ARHGEF10: variants seen among roughly 807,000 people sequenced by gnomAD.
ARHGEF10 encodes Rho guanine nucleotide exchange factor (GEF) 10.
A neutral mutation model predicts 147.4 loss-of-function variants in ARHGEF10; 140 were observed. The ratio of observed to expected loss-of-function variants is 0.95; its 90% CI spans 0.83 to 1.09. The LOEUF (loss-of-function observed/expected upper bound fraction) is 1.09. ARHGEF10 is among the 50% of genes least tolerant of loss of function. ARHGEF10 has a pLI of 0.00. For synonymous variants in ARHGEF10, 902 were observed against 695.8 expected, an observed-to-expected ratio of 1.30 and a Z score of -4.67; for missense variants, 2,222 against 1,752.7, an observed-to-expected ratio of 1.27 and a Z score of -4.78.
intron 11 of ARHGEF10, among the ~76,000 whole-genome samples, chr8:1,890,141 AGGGTTTGT>A (rs1563240728): frequency 4.7e-5 from 1 of 21,238 alleles, no homozygotes; most frequent in African/African-American, 1.9e-4. Flanking sequence ...GAGTGGGGTG[AGGGTTTGT>A]GAGGAGACAC....
At chr8:1,915,437 G>A (rs1811687898) in intron 18 of ARHGEF10, among the ~76,000 whole-genome samples, 1 of 152,230 alleles carries the variant, frequency 6.6e-6, no homozygotes, top group Non-Finnish European at 1.5e-5. Context: ...GCCAGCCTGG[G>A]ACTTGGGTCC....
At chr8:1,868,015 T>C (rs546701109) in intron 6 of ARHGEF10, among the ~76,000 whole-genome samples, 1 of 152,300 alleles carries the variant, frequency 6.6e-6, no homozygotes, top group Non-Finnish European at 1.5e-5. Context: ...ATTTGTCTGA[T>C]TTTTTTCTCA....
chr8:1,939,006 A>C (rs1484016574), intron 26 of ARHGEF10, among the ~76,000 whole-genome samples: 1 of 147,276 alleles, frequency 6.8e-6, no homozygotes, highest in Non-Finnish European at 1.5e-5. Context: ...ACTGTTGAAT[A>C]CCAGTCCCCA....
chr8:1,938,095 A>G (rs1813769956), intron 26 of ARHGEF10, among the ~76,000 whole-genome samples: 1 of 152,196 alleles, frequency 6.6e-6, no homozygotes, highest in South Asian at 2.1e-4. Context: ...AAGACATGCC[A>G]TGGACGCTGA....
At position 1,875,311 on chromosome 8, in the gene ARHGEF10, G is replaced by A. The variant is rs189856822; in HGVS notation, c.680-1260G>A. Among the ~76,000 whole-genome samples, 62 of 152,148 alleles carry A rather than the reference G, an allele frequency of 4.1e-4. 1 individual carries two copies. The East Asian group carries it at 0.011, about 27-fold the overall frequency. ...AGGAACAGTGGAGACACACACTGGG[G>A]AGCGTAGGGGTGCTTTTCTCTGAGT... On this transcript the variant is annotated intron_variant, in intron 7 of 28. Coordinates refer to ENST00000349830, the MANE Select transcript of ARHGEF10 (RefSeq NM_014629.4).
At chr8:1,875,520 G>T (rs1434506799) in intron 7 of ARHGEF10, among the ~76,000 whole-genome samples, 1 of 152,168 alleles carries the variant, frequency 6.6e-6, no homozygotes, top group Non-Finnish European at 1.5e-5. Context: ...AGACTGCTGG[G>T]TGCCCGGGTG....
chr8:1,866,663 C>A, intron 6 of ARHGEF10, 61 bp downstream of exon 6: 1 of 1,491,458 alleles, frequency 6.7e-7, no homozygotes, highest in Non-Finnish European at 9.2e-7. Context: ...GTCACTGCGG[C>A]GGGGCCGGGT....
Position 1,945,532 on chromosome 8 carries a change from G to A in ARHGEF10, c.3274G>A (p.Val1092Met), listed in dbSNP as rs527488398. The A allele has an allele frequency of 7.0e-5, 113 of 1,613,938 alleles. No individual in the cohort carries two copies. Among genetic ancestry groups the A allele is most frequent in the South Asian group, 3.3e-4 (30 of 91,034 alleles). The change falls in exon 27 of 29, where the codon GTG (valine) becomes ATG (methionine). Residue 1092 changes from valine (V) to methionine (M), a missense_variant. Val to Met is a conservative substitution (Grantham distance 21, BLOSUM62 1). Coordinates refer to ENST00000349830, the MANE Select transcript of ARHGEF10 (RefSeq NM_014629.4). Reference protein sequence around the residue: ...EEGMVISHMAVSGVGIWIAFT... With the variant: ...EEGMVISHMAMSGVGIWIAFT... ...AGGCATGGTGATCTCCCACATGGCCGTGTCCGGCGTCGGGATCTGGATTGC... is the reference window on the plus strand; with the variant it reads ...AGGCATGGTGATCTCCCACATGGCCATGTCCGGCGTCGGGATCTGGATTGC...
intron 15 of ARHGEF10, among the ~76,000 whole-genome samples, chr8:1,901,258 G>C (rs1040926991): frequency 2.0e-5 from 3 of 152,066 alleles, no homozygotes; most frequent in Non-Finnish European, 2.9e-5. Context: ...AGTGTAGGTG[G>C]ATGGGGAGAC....
At position 1,925,386 on chromosome 8, in the gene ARHGEF10, C is replaced by A. The variant is rs757255553; in HGVS notation, c.2592C>A (p.Ala864=). ...LLVGHMPVMV[A]KQQEFKIECA... ...TCGGACACATGCCCGTGATGGTGGCCAAGCAGCAGGAGTTCAAGGTGAAGG... is the reference window on the plus strand; with the variant it reads ...TCGGACACATGCCCGTGATGGTGGCAAAGCAGCAGGAGTTCAAGGTGAAGG... The change falls in exon 22 of 29, where the codon GCC becomes GCA. Residue 864 remains alanine (A), a synonymous_variant. Transcript: ENST00000349830. 1 of 1,614,104 alleles carries A rather than the reference C, an allele frequency of 6.2e-7. No individual in the cohort carries two copies. Among genetic ancestry groups the A allele is most frequent in the African/African-American group, 1.3e-5 (1 of 75,036 alleles).
intron 5 of ARHGEF10, among the ~76,000 whole-genome samples, 193 bp from the exon 6 acceptor site, chr8:1,866,333 A>T (rs1295455626): frequency 1.3e-5 from 2 of 152,198 alleles, no homozygotes; most frequent in African/African-American, 4.8e-5. Context: ...TTACAGAGTT[A>T]TGAGTGAAAG....
intron 1 of ARHGEF10, among the ~76,000 whole-genome samples, chr8:1,839,919 CGG>C (rs1803876115): frequency 1.4e-5 from 1 of 71,176 alleles, no homozygotes; most frequent in Admixed American, 1.4e-4. Flanking sequence ...GGGGACTGTC[CGG>C]TGTGGGGACT....
chr8:1,826,443 T>TGC (rs1411066412), intron 1 of ARHGEF10, among the ~76,000 whole-genome samples: 1 of 151,870 alleles, frequency 6.6e-6, no homozygotes, highest in Non-Finnish European at 1.5e-5. Context: ...TGTGTGTGTG[T>TGC]GCGCGTGTGT....
chr8:1,883,159 A>C (rs984036267), intron 10 of ARHGEF10, among the ~76,000 whole-genome samples: 3 of 151,856 alleles, frequency 2.0e-5, no homozygotes, highest in Non-Finnish European at 4.4e-5. Context: ...GTGAGGGGAG[A>C]TTTGGAGTAG....
intron 18 of ARHGEF10, among the ~76,000 whole-genome samples, chr8:1,911,237 C>G (rs956431919): frequency 2.0e-5 from 3 of 152,098 alleles, no homozygotes; most frequent in African/African-American, 7.2e-5. Context: ...GTTAAGGGGA[C>G]TTTGAAACAC....
chr8:1,911,424 TTTG>T (rs1811345489), intron 18 of ARHGEF10, among the ~76,000 whole-genome samples: 1 of 152,246 alleles, frequency 6.6e-6, no homozygotes, highest in South Asian at 2.1e-4. Context: ...TCAATAGTGT[TTTG>T]TTCCTCTAGA....
At chr8:1,873,940 G>T (rs548201605) in intron 7 of ARHGEF10, among the ~76,000 whole-genome samples, 101 of 152,236 alleles carry the variant, frequency 6.6e-4, no homozygotes, top group African/African-American at 2.3e-3. Flanking sequence ...GTGGCATTAG[G>T]TACGCTCACT....
At position 1,858,113 on chromosome 8, in the gene ARHGEF10, C is replaced by T. The variant is rs753179497; in HGVS notation, c.191C>T (p.Thr64Ile). The T allele has an allele frequency of 3.7e-6, 6 of 1,613,466 alleles. No homozygotes were observed. Among genetic ancestry groups the T allele is most frequent in the Non-Finnish European group, 5.1e-6 (6 of 1,179,728 alleles). ...GGAGCCAGTGAAGCCCCTGCACCCA[C>T]AGGTGAGTTTCCAGGAGGGTCCCCA... ...GAGASEAPAP[T>I]GGEDGAGAET... The change falls in exon 3 of 29, where the codon ACA (threonine) becomes ATA (isoleucine). Residue 64 changes from threonine (T) to isoleucine (I), a missense_variant and splice_region_variant. Thr to Ile is a moderately conservative substitution (Grantham distance 89, BLOSUM62 -1). Coordinates refer to ENST00000349830, the MANE Select transcript of ARHGEF10 (RefSeq NM_014629.4).
intron 1 of ARHGEF10, among the ~76,000 whole-genome samples, chr8:1,836,150 C>T (rs1803565438): frequency 1.3e-5 from 2 of 150,924 alleles, no homozygotes. Context: ...TACTGCATTC[C>T]AGCCTGGGCG....
Sources: gnomAD v4.1 joint callset for allele counts (sites outside exome capture counted in the v4.1 genomes callset) on GRCh38, gnomAD v4.1.1 for gene constraint, MANE v1.5 for transcripts, NCBI Gene and HGNC (gene_info 2026-07-23, HGNC 2026-07-21) for gene names.